ZBTB20: variants seen among roughly 807,000 people sequenced by gnomAD.
The protein encoded by ZBTB20 is zinc finger and BTB domain containing 20, also known as zinc finger and BTB domain-containing protein 20.
In ZBTB20, 9 loss-of-function variants were observed where a neutral mutation model predicts 56.9. The observed-to-expected ratio is 0.16, with a 90% confidence interval of 0.10 to 0.28. ZBTB20 has a LOEUF of 0.28. ZBTB20 is among the 10% of genes least tolerant of loss of function. ZBTB20 has a pLI of 1.00. For synonymous variants in ZBTB20, 417 were observed against 420.7 expected, an observed-to-expected ratio of 0.99 and a Z score of 0.11; for missense variants, 655 against 1,003.0, an observed-to-expected ratio of 0.65 and a Z score of 4.69.
At chr3:114,830,660 T>G (rs1475054979) in intron 4 of ZBTB20, among the ~76,000 whole-genome samples, 4 of 152,020 alleles carry the variant, frequency 2.6e-5, no homozygotes, top group Non-Finnish European at 4.4e-5. Flanking sequence ...ATGAGGAAAC[T>G]GGGACTCAGA....
intron 2 of ZBTB20, among the ~76,000 whole-genome samples, chr3:114,979,794 CT>C (rs1264014799): frequency 1.3e-5 from 2 of 151,950 alleles, no homozygotes; most frequent in Non-Finnish European, 2.9e-5. Flanking sequence ...ATCATGCATC[CT>C]AAGGTGGAGG....
chr3:114,696,813 AAGAG>A (rs916530098), intron 5 of ZBTB20, among the ~76,000 whole-genome samples: 1 of 152,098 alleles, frequency 6.6e-6, no homozygotes, highest in African/African-American at 2.4e-5. Context: ...GCGAGAGAAA[AAGAG>A]AGAGAGAAAG....
intron 1 of ZBTB20, among the ~76,000 whole-genome samples, chr3:115,118,554 A>G (rs905027086): frequency 2.0e-5 from 3 of 152,154 alleles, no homozygotes; most frequent in African/African-American, 7.2e-5. Context: ...TTTAAAAAAA[A>G]AGTCCTCACC....
In ZBTB20 at chr3:114,321,113, C is replaced by G. The variant is rs934728840; in HGVS notation, c.*17892G>C. ...CTGGCTGGACACAGGGGAGCTGCTA[C>G]TGGTATTTATATTTAATTTGGAGGA... On this transcript the variant is annotated 3_prime_UTR_variant, in exon 12 of 12. Transcript: ENST00000675478. 2 of 152,204 alleles carry G rather than the reference C, an allele frequency of 1.3e-5. No homozygotes were observed. Among genetic ancestry groups the G allele is most frequent in the Non-Finnish European group, 2.9e-5 (2 of 68,048 alleles). The allele number at this position is 152,204 out of a possible 1,614,324, so 9.4% of individuals were successfully genotyped here. A position where few individuals can be genotyped will look rare whatever the true frequency, so the allele number is the denominator to read the frequency against.
intron 2 of ZBTB20, among the ~76,000 whole-genome samples, chr3:115,066,271 T>C (rs1254866119): frequency 6.6e-6 from 1 of 152,110 alleles, no homozygotes; most frequent in Non-Finnish European, 1.5e-5. Flanking sequence ...ATAGTCCTTT[T>C]TTTTTTCTGC....
intron 6 of ZBTB20, among the ~76,000 whole-genome samples, chr3:114,641,875 C>T (rs1254996560): frequency 6.6e-6 from 1 of 151,804 alleles, no homozygotes; most frequent in Non-Finnish European, 1.5e-5. Context: ...CACTGTTTTT[C>T]ATTGTTTAAC....
At chr3:114,388,737 C>G (rs2085453749) in intron 8 of ZBTB20, 1 of 152,310 alleles carries the variant, frequency 6.6e-6, no homozygotes. Flanking sequence ...GATGACCAAG[C>G]AGAACAGCAC....
chr3:114,632,933 C>T (rs1472391119), intron 6 of ZBTB20, among the ~76,000 whole-genome samples: 6 of 152,188 alleles, frequency 3.9e-5, no homozygotes, highest in South Asian at 2.1e-4. Flanking sequence ...CCTGTTTAAA[C>T]ATTCAACTGT....
intron 2 of ZBTB20, among the ~76,000 whole-genome samples, chr3:114,996,553 C>T (rs2079035257): frequency 6.6e-6 from 1 of 151,976 alleles, no homozygotes; most frequent in Non-Finnish European, 1.5e-5. Context: ...ATTTTTATGG[C>T]TGCATAGTAT....
At chr3:114,497,337 C>T (rs2043394592) in intron 7 of ZBTB20, among the ~76,000 whole-genome samples, 1 of 152,128 alleles carries the variant, frequency 6.6e-6, no homozygotes, top group Non-Finnish European at 1.5e-5. Context: ...AACTCCTCTG[C>T]ACGGCATACA....
At chr3:114,719,709 T>C (rs2064770267) in intron 5 of ZBTB20, among the ~76,000 whole-genome samples, 1 of 152,128 alleles carries the variant, frequency 6.6e-6, no homozygotes, top group South Asian at 2.1e-4. Flanking sequence ...CTACAAATAT[T>C]GTTCTCTGGT....
intron 1 of ZBTB20, among the ~76,000 whole-genome samples, chr3:115,144,411 G>T (rs549674585): frequency 3.9e-5 from 6 of 151,922 alleles, no homozygotes; most frequent in Non-Finnish European, 7.4e-5. Context: ...AAAATGATTC[G>T]CTTAAAATAT....
At chr3:114,973,025 A>T (rs1258954904) in intron 3 of ZBTB20, among the ~76,000 whole-genome samples, 1 of 152,224 alleles carries the variant, frequency 6.6e-6, no homozygotes, top group East Asian at 1.9e-4. Context: ...TTCTAACTTT[A>T]ATAGCTAATA....
chr3:114,859,515 A>G (rs2107476717), intron 4 of ZBTB20, among the ~76,000 whole-genome samples: 1 of 151,190 alleles, frequency 6.6e-6, no homozygotes, highest in South Asian at 2.1e-4. Context: ...CAGAATCCAC[A>G]TGCTTTTACT....
At chr3:115,078,613 G>GTGTGTA (rs769630983) in intron 1 of ZBTB20, among the ~76,000 whole-genome samples, 2,121 of 137,670 alleles carry the variant, frequency 0.015, 24 homozygotes, top group Non-Finnish European at 0.019. Context: ...GTGTGTGTGT[G>GTGTGTA]TATATATATA....
intron 4 of ZBTB20, among the ~76,000 whole-genome samples, chr3:114,863,073 A>T (rs550543305): frequency 6.6e-6 from 1 of 152,280 alleles, no homozygotes; most frequent in East Asian, 1.9e-4. Flanking sequence ...TCTATGAACC[A>T]GTGACTTCTG....
intron 6 of ZBTB20, among the ~76,000 whole-genome samples, chr3:114,514,132 C>T (rs1488472957): frequency 6.6e-6 from 1 of 151,852 alleles, no homozygotes; most frequent in Admixed American, 6.6e-5. Flanking sequence ...ATTGCTAGAG[C>T]TATAACAGAA....
chr3:114,750,822 G>A (rs1360891443), intron 5 of ZBTB20, among the ~76,000 whole-genome samples: 1 of 152,052 alleles, frequency 6.6e-6, no homozygotes, highest in Admixed American at 6.6e-5. Context: ...TCAAAATAGG[G>A]GTCACCTAAG....
chr3:114,845,297 A>C (rs188169563), intron 4 of ZBTB20, among the ~76,000 whole-genome samples: 242 of 149,856 alleles, frequency 1.6e-3, no homozygotes, highest in East Asian at 7.8e-4. Flanking sequence ...GCAGCACAGA[A>C]AATAAAATAG....
Sources: gnomAD v4.1 joint callset for allele counts (sites outside exome capture counted in the v4.1 genomes callset) on GRCh38, gnomAD v4.1.1 for gene constraint, MANE v1.5 for transcripts, NCBI Gene and HGNC (gene_info 2026-07-23, HGNC 2026-07-21) for gene names.